PIK3C2G: variants seen among roughly 807,000 people sequenced by gnomAD.
PIK3C2G encodes phosphatidylinositol 3-kinase C2 domain-containing subunit gamma.
In PIK3C2G, 168 loss-of-function variants were observed where a neutral mutation model predicts 181.1. The ratio of observed to expected loss-of-function variants is 0.93; its 90% confidence interval spans 0.82 to 1.05. PIK3C2G has a LOEUF of 1.05. PIK3C2G is among the 50% of genes least tolerant of loss of function. The pLI is 0.00. For synonymous variants in PIK3C2G, 573 were observed against 592.2 expected (o/e 0.97, Z 0.47); for missense variants, 1,869 against 1,732.8 (o/e 1.08, Z -1.40).
the PIK3C2G span, chr12:18,723,534 G>C: frequency 6.8e-6 from 11 of 1,611,456 alleles, no homozygotes; most frequent in Non-Finnish European, 8.5e-6. Context: ...GTTTCAGCCT[G>C]TCATTGTCCT....
intron 16 of PIK3C2G, among the ~76,000 whole-genome samples, chr12:18,408,636 G>A (rs1944677799): frequency 6.6e-6 from 1 of 152,002 alleles, no homozygotes; most frequent in Non-Finnish European, 1.5e-5. Flanking sequence ...CTACAGAATG[G>A]GAGAAAATTT....
intron 18 of PIK3C2G, among the ~76,000 whole-genome samples, chr12:18,448,515 T>G (rs1489695563): frequency 6.6e-6 from 1 of 152,136 alleles, no homozygotes; most frequent in African/African-American, 2.4e-5. Context: ...CATATACAAC[T>G]GCATCTCTGT....
intron 13 of PIK3C2G, 56 bp downstream of exon 13, chr12:18,371,367 A>C (rs1052489993): frequency 8.9e-6 from 13 of 1,461,890 alleles, no homozygotes; most frequent in African/African-American, 4.3e-5. Context: ...CATTCCTAGA[A>C]GTAAATATTT....
intron 18 of PIK3C2G, among the ~76,000 whole-genome samples, chr12:18,442,965 G>A (rs1408759691): frequency 2.6e-5 from 4 of 151,574 alleles, no homozygotes; most frequent in African/African-American, 7.3e-5. Flanking sequence ...TCCACCTCCC[G>A]GGTTCAAGAG....
chr12:18,529,391 G>C (rs115699411), intron 24 of PIK3C2G, among the ~76,000 whole-genome samples: 39 of 152,176 alleles, frequency 2.6e-4, no homozygotes, highest in African/African-American at 9.4e-4. Flanking sequence ...TTAAGCTCAT[G>C]TAAGTTAAAC....
At chr12:18,683,602 A>C in the PIK3C2G span, 25 of 1,433,964 alleles carry the variant, frequency 1.7e-5, no homozygotes, top group East Asian at 8.0e-4. Context: ...CTGCTTCAGG[A>C]AGACCTGTTT....
At chr12:18,692,475 G>A in the PIK3C2G span, among the ~76,000 whole-genome samples, 75 of 152,086 alleles carry the variant, frequency 4.9e-4, no homozygotes, top group Admixed American at 1.2e-3. Context: ...TTTACTAATG[G>A]AAACAAATCT....
chr12:18,614,708 T>G, intron 31 of PIK3C2G, among the ~76,000 whole-genome samples: 1 of 152,146 alleles, frequency 6.6e-6, no homozygotes, highest in East Asian at 1.9e-4. Flanking sequence ...TCTTGAAACT[T>G]CAAAGATAAT....
At chr12:18,532,837 C>T (rs1329501161) in intron 24 of PIK3C2G, among the ~76,000 whole-genome samples, 1 of 151,098 alleles carries the variant, frequency 6.6e-6, no homozygotes, top group Non-Finnish European at 1.5e-5. Context: ...CAGTGTCTTC[C>T]CTGATATTTA....
At chr12:18,481,310 C>A (rs976934813) in intron 18 of PIK3C2G, among the ~76,000 whole-genome samples, 1 of 152,124 alleles carries the variant, frequency 6.6e-6, no homozygotes, top group Non-Finnish European at 1.5e-5. Flanking sequence ...ATCAGGCTCC[C>A]GGGTTGACCA....
intron 18 of PIK3C2G, among the ~76,000 whole-genome samples, chr12:18,437,593 T>C (rs1278494040): frequency 2.0e-5 from 3 of 151,996 alleles, no homozygotes; most frequent in African/African-American, 7.2e-5. Flanking sequence ...AGAACCCTAA[T>C]GTATGTGTCA....
intron 16 of PIK3C2G, among the ~76,000 whole-genome samples, chr12:18,420,208 C>T (rs536916093): frequency 6.6e-6 from 1 of 152,146 alleles, no homozygotes; most frequent in Non-Finnish European, 1.5e-5. Flanking sequence ...CCAAGCACTT[C>T]CCAGGAACTT....
chr12:18,312,002 T>A (rs573474634), intron 5 of PIK3C2G, among the ~76,000 whole-genome samples: 9 of 152,168 alleles, frequency 5.9e-5, no homozygotes, highest in African/African-American at 2.2e-4. Flanking sequence ...GGGAGAAAGA[T>A]GTAGGCTGCG....
At chr12:18,650,723 T>C (rs1591792290), downstream of PIK3C2G, among the ~76,000 whole-genome samples, 1 of 18,368 alleles carries the variant, frequency 5.4e-5, no homozygotes, top group Non-Finnish European at 8.6e-5. Context: ...TATATATATA[T>C]ATATATATAT....
At chr12:18,609,765 T>C (rs1948241490) in intron 31 of PIK3C2G, 136 bp downstream of exon 31, 5 of 592,460 alleles carry the variant, frequency 8.4e-6, no homozygotes, top group Non-Finnish European at 1.2e-5. Flanking sequence ...AATGAGCCAA[T>C]TACAATATTT....
chr12:18,267,933 G>T (rs1212089006), intron 1 of PIK3C2G, among the ~76,000 whole-genome samples: 1 of 152,194 alleles, frequency 6.6e-6, no homozygotes, highest in Admixed American at 6.5e-5. Flanking sequence ...GCAAATTTTA[G>T]TCTTAGAACG....
chr12:18,634,558 A>G (rs997157111), intron 31 of PIK3C2G, among the ~76,000 whole-genome samples: 6 of 152,218 alleles, frequency 3.9e-5, no homozygotes, highest in Non-Finnish European at 7.3e-5. Flanking sequence ...CAGATAGCTT[A>G]CCAGCATGGG....
chr12:18,721,276 C>A, the PIK3C2G span, among the ~76,000 whole-genome samples: 1,080 of 152,042 alleles, frequency 7.1e-3, 12 homozygotes, highest in African/African-American at 0.025. Flanking sequence ...TCATTTGGTG[C>A]CTGTCACATA....
chr12:18,489,375 G>A (rs1307180023), intron 19 of PIK3C2G, among the ~76,000 whole-genome samples: 2 of 151,926 alleles, frequency 1.3e-5, no homozygotes, highest in Non-Finnish European at 2.9e-5. Flanking sequence ...TGTCCTCAAG[G>A]GAACTCAGTT....
Sources: allele counts gnomAD v4.1 joint callset (sites outside exome capture counted in the v4.1 genomes callset), GRCh38; gene constraint gnomAD v4.1.1; transcripts MANE v1.5; gene names NCBI Gene and HGNC (gene_info 2026-07-23, HGNC 2026-07-21).